HOMER1: variants seen among roughly 807,000 people sequenced by gnomAD.
The protein encoded by HOMER1 is homer scaffold protein 1.
In HOMER1, 3 loss-of-function variants were observed where a neutral mutation model predicts 48.9. The observed-to-expected ratio is 0.06, with a 90% confidence interval of 0.03 to 0.16. HOMER1 has a LOEUF of 0.16. Ranked by LOEUF, HOMER1 falls within the 10% of genes least tolerant of loss-of-function variation. HOMER1 has a pLI of 1.00. For synonymous variants in HOMER1, 134 were observed against 146.4 expected, an observed-to-expected ratio of 0.92 and a Z score of 0.61; for missense variants, 247 against 411.4, an observed-to-expected ratio of 0.60 and a Z score of 3.46.
At chr5:79,391,750 A>G (rs1371470075) in intron 8 of HOMER1, among the ~76,000 whole-genome samples, 1 of 151,988 alleles carries the variant, frequency 6.6e-6, no homozygotes, top group Non-Finnish European at 1.5e-5. Flanking sequence ...CTCAAAAAAA[A>G]AAAAGAAAAG....
intron 1 of HOMER1, among the ~76,000 whole-genome samples, chr5:79,472,304 AT>A (rs1191497970): frequency 2.0e-5 from 3 of 152,212 alleles, no homozygotes; most frequent in Non-Finnish European, 2.9e-5. Context: ...AAGAAAAAAA[AT>A]TTTTTAAGCA....
At chr5:79,493,457 A>G (rs886736514) in intron 1 of HOMER1, among the ~76,000 whole-genome samples, 6 of 152,184 alleles carry the variant, frequency 3.9e-5, no homozygotes, top group Admixed American at 3.9e-4. Flanking sequence ...CATGAAGGCA[A>G]GGCTCTTTGT....
chr5:79,422,101 T>A (rs1750117909), intron 5 of HOMER1, among the ~76,000 whole-genome samples: 1 of 151,780 alleles, frequency 6.6e-6, no homozygotes, highest in African/African-American at 2.4e-5. Flanking sequence ...GTGGTGCACG[T>A]CTTTAATCCC....
chr5:79,389,003 T>C (rs1459801439), intron 8 of HOMER1, among the ~76,000 whole-genome samples: 1 of 152,032 alleles, frequency 6.6e-6, no homozygotes, highest in Admixed American at 6.6e-5. Context: ...GAAAACACCC[T>C]CAACAATGTA....
At chr5:79,392,954 G>GGAGAGAGAGGGAGA (rs1749289282) in intron 8 of HOMER1, among the ~76,000 whole-genome samples, 1 of 140,880 alleles carries the variant, frequency 7.1e-6, no homozygotes, top group Non-Finnish European at 1.5e-5. Flanking sequence ...GAAGGGAAAG[G>GGAGAGAGAGGGAGA]GAGAGAGAGA....
intron 6 of HOMER1, among the ~76,000 whole-genome samples, chr5:79,398,308 TAC>T (rs139315456): frequency 0.034 from 5,008 of 149,428 alleles, 275 homozygotes; most frequent in African/African-American, 0.11. Flanking sequence ...TCAATATAAA[TAC>T]ACACACACAC....
chr5:79,476,822 G>A (rs942459181), intron 1 of HOMER1, among the ~76,000 whole-genome samples: 5 of 151,990 alleles, frequency 3.3e-5, no homozygotes, highest in Non-Finnish European at 7.4e-5. Context: ...ATGAAGCATC[G>A]ACAACCATGT....
intron 5 of HOMER1, among the ~76,000 whole-genome samples, chr5:79,408,976 G>A (rs1466419339): frequency 6.6e-6 from 1 of 151,358 alleles, no homozygotes; most frequent in African/African-American, 2.4e-5. Context: ...CAGCTACTCA[G>A]GAGGCTGAGG....
At chr5:79,452,984 G>A (rs902312093) in intron 2 of HOMER1, among the ~76,000 whole-genome samples, 8 of 152,094 alleles carry the variant, frequency 5.3e-5, no homozygotes, top group Admixed American at 1.3e-4. Context: ...GGAATCATTC[G>A]TTTATTCAAC....
chr5:79,491,392 C>G (rs1040302746), intron 1 of HOMER1, among the ~76,000 whole-genome samples: 3 of 129,298 alleles, frequency 2.3e-5, no homozygotes, highest in Admixed American at 1.9e-4. Context: ...TAAGCCGAGA[C>G]TGTGCCACTA....
At chr5:79,391,626 G>C (rs1580419254) in intron 8 of HOMER1, among the ~76,000 whole-genome samples, 1 of 151,566 alleles carries the variant, frequency 6.6e-6, no homozygotes, top group South Asian at 2.1e-4. Flanking sequence ...TGTGCCTGTA[G>C]TCCCAGCTAC....
In HOMER1 at chr5:79,373,847, T is replaced by C; in HGVS notation, c.*2162A>G. The stretch of plus-strand genomic sequence containing the variant: ...ATCAGTAGGAAAGTATTAAAAATAA[T>C]TTTCTGTATATACATATGGGTATAT... On this transcript the variant is annotated 3_prime_UTR_variant, in exon 9 of 9. Transcript: ENST00000334082. The C allele has an allele frequency of 6.6e-6, 1 of 151,986 alleles. No individual in the cohort carries two copies. The highest frequency in any genetic ancestry group is 1.5e-5 in the Non-Finnish European group (1 of 67,878). 9.4% of individuals were successfully genotyped at this position (151,986 alleles called of 1,614,324 possible).
intron 1 of HOMER1, among the ~76,000 whole-genome samples, chr5:79,490,250 G>A (rs1288933663): frequency 6.6e-6 from 1 of 152,042 alleles, no homozygotes; most frequent in African/African-American, 2.4e-5. Flanking sequence ...TAAGAATTTA[G>A]AAACATATTT....
chr5:79,481,513 T>C (rs560466163), intron 1 of HOMER1, among the ~76,000 whole-genome samples: 43 of 152,276 alleles, frequency 2.8e-4, no homozygotes, highest in African/African-American at 9.4e-4. Flanking sequence ...CAGCTAGAAT[T>C]TGCAGGACAG....
At chr5:79,498,620 C>A (rs184354163) in intron 1 of HOMER1, among the ~76,000 whole-genome samples, 4 of 152,258 alleles carry the variant, frequency 2.6e-5, no homozygotes, top group Admixed American at 1.3e-4. Context: ...CTGTCTTCTA[C>A]CTCATACTAT....
At chr5:79,389,332 C>G (rs1749191194) in intron 8 of HOMER1, among the ~76,000 whole-genome samples, 1 of 151,998 alleles carries the variant, frequency 6.6e-6, no homozygotes, top group Non-Finnish European at 1.5e-5. Context: ...TCTTTTGCAA[C>G]CATCCACAAG....
rs374352852 is a variant in HOMER1, at chr5:79,466,861, G to A, written c.6-9843C>T. 3.0e-4 allele frequency among the ~76,000 whole-genome samples: 45 copies of A among 151,872 alleles called. No individual in the cohort carries two copies. The East Asian group carries it at 7.3e-3, about 24-fold the overall frequency. Reference sequence around the variant, plus strand: ...AGCTGGAGTGCAGTGGCACAATCTCGGCTCACTGCAACCTCTGCCCCCTGG... The same window carrying A: ...AGCTGGAGTGCAGTGGCACAATCTCAGCTCACTGCAACCTCTGCCCCCTGG... On this transcript the variant is annotated intron_variant, in intron 1 of 8. Transcript: ENST00000334082.
intron 5 of HOMER1, among the ~76,000 whole-genome samples, chr5:79,430,118 T>C (rs1750381874): frequency 6.6e-6 from 1 of 150,596 alleles, no homozygotes; most frequent in East Asian, 1.9e-4. Context: ...TATTTAAAAA[T>C]CAATTATCTG....
In HOMER1 at chr5:79,513,537, C is replaced by G. The variant is rs931002221; in HGVS notation, c.-763G>C. The G allele has an allele frequency of 6.6e-6, 1 of 152,582 alleles. No individual in the cohort carries two copies. Among genetic ancestry groups the G allele is most frequent in the African/African-American group, 2.4e-5 (1 of 41,454 alleles). 9.5% of individuals were successfully genotyped at this position (152,582 alleles called of 1,614,324 possible). On this transcript the variant is annotated 5_prime_UTR_variant, in exon 1 of 9. Coordinates refer to ENST00000334082, the MANE Select transcript of HOMER1 (RefSeq NM_004272.5). ...AGCAGGCTGGGGGCGCAGCGCACGC[C>G]GGAGAGCTGGAGGAGGGGACCCGAT...
Sources: allele counts gnomAD v4.1 joint callset (sites outside exome capture counted in the v4.1 genomes callset), GRCh38; gene constraint gnomAD v4.1.1; transcripts MANE v1.5; gene names NCBI Gene and HGNC (gene_info 2026-07-23, HGNC 2026-07-21).